The following ANKS1B variants were observed in gnomAD, a reference collection of about 807,000 sequenced individuals.
The protein encoded by ANKS1B is ankyrin repeat and sterile alpha motif domain containing 1B.
In ANKS1B, 36 loss-of-function variants were observed where a neutral mutation model predicts 148.3. The ratio of observed to expected loss-of-function variants is 0.24; its 90% confidence interval spans 0.19 to 0.32. The LOEUF is 0.32. Ranked by LOEUF, ANKS1B falls within the 10% of genes least tolerant of loss-of-function variation. The pLI, the probability that ANKS1B is intolerant of heterozygous loss-of-function variation, is 1.00. For synonymous variants in ANKS1B, 542 were observed against 560.8 expected (o/e 0.97, Z 0.47); for missense variants, 1,157 against 1,542.6 (o/e 0.75, Z 4.19).
At chr12:99,144,148 A>G (rs1044411345) in intron 15 of ANKS1B, among the ~76,000 whole-genome samples, 1 of 152,040 alleles carries the variant, frequency 6.6e-6, no homozygotes, top group African/African-American at 2.4e-5. Flanking sequence ...TTTTCTTTCT[A>G]TAAAACATTA....
chr12:99,761,236 G>GACACACACAC (rs147419547), intron 8 of ANKS1B, among the ~76,000 whole-genome samples: 2 of 149,354 alleles, frequency 1.3e-5, no homozygotes, highest in African/African-American at 4.9e-5. Context: ...ACCTGGCAAA[G>GACACACACAC]ACACACACAC....
chr12:98,902,412 A>T (rs961496082), intron 17 of ANKS1B, among the ~76,000 whole-genome samples: 1 of 152,200 alleles, frequency 6.6e-6, no homozygotes, highest in Admixed American at 6.5e-5. Context: ...GGCTGCAGTA[A>T]CCTCATCTGG....
intron 26 of ANKS1B, among the ~76,000 whole-genome samples, chr12:98,747,429 G>A (rs992507251): frequency 1.1e-4 from 16 of 152,072 alleles, no homozygotes; most frequent in African/African-American, 3.6e-4. Flanking sequence ...CTATTGAATG[G>A]CTAGTATCAA....
Position 99,145,416 on chromosome 12 carries a change from G to A in ANKS1B, c.2526+8873C>T, listed in dbSNP as rs112989036. On this transcript the variant is annotated intron_variant, in intron 15 of 26. Transcript: ENST00000683438. ...GGCTGGAGAGGTGAGCAAGTTCCAG[G>A]TCAGTAGCGGAAGGCTCCCTGGAGC... Among the ~76,000 whole-genome samples, 1,368 of 152,138 alleles carry A rather than the reference G, an allele frequency of 9.0e-3. 27 individuals are homozygous for A. The highest frequency in any genetic ancestry group is 0.031 in the African/African-American group (1,295 of 41,520).
At chr12:98,742,308 C>T (rs577687490), downstream of ANKS1B, among the ~76,000 whole-genome samples, 13 of 150,486 alleles carry the variant, frequency 8.6e-5, no homozygotes, top group Admixed American at 5.3e-4. Context: ...CAGCACTGGT[C>T]GTTAACTACT....
chr12:99,934,890 T>C (rs2094719598), intron 1 of ANKS1B, among the ~76,000 whole-genome samples: 1 of 152,094 alleles, frequency 6.6e-6, no homozygotes, highest in Admixed American at 6.6e-5. Flanking sequence ...ATAGAATCTC[T>C]ACAGAAGGAT....
intron 24 of ANKS1B, 73 bp from the exon 25 acceptor site, chr12:98,773,252 C>A (rs370270887): frequency 6.7e-7 from 1 of 1,499,486 alleles, no homozygotes; most frequent in Non-Finnish European, 8.9e-7. Context: ...GACAAGTAAC[C>A]CAGGAAGCAG....
chr12:99,938,165 G>C (rs563657626), intron 1 of ANKS1B, among the ~76,000 whole-genome samples: 40 of 152,132 alleles, frequency 2.6e-4, no homozygotes, highest in Non-Finnish European at 5.3e-4. Context: ...CATTTTGTTG[G>C]AGTCTCTGTC....
chr12:99,726,614 G>C (rs921777465), intron 8 of ANKS1B, among the ~76,000 whole-genome samples: 4 of 152,072 alleles, frequency 2.6e-5, no homozygotes, highest in Non-Finnish European at 5.9e-5. Context: ...GTGAAAAGCA[G>C]GTACTCTTCC....
chr12:99,891,373 G>A (rs1389707271), intron 1 of ANKS1B, among the ~76,000 whole-genome samples: 8 of 152,164 alleles, frequency 5.3e-5, no homozygotes, highest in South Asian at 2.1e-4. Context: ...TATAGAGGTT[G>A]TTTATATCTC....
intron 9 of ANKS1B, among the ~76,000 whole-genome samples, chr12:99,555,649 G>A (rs546915515): frequency 6.6e-6 from 1 of 152,224 alleles, no homozygotes; most frequent in African/African-American, 2.4e-5. Flanking sequence ...TAACATGAAA[G>A]GAGGTTGAAT....
intron 12 of ANKS1B, among the ~76,000 whole-genome samples, chr12:99,259,307 G>C (rs1204266597): frequency 2.0e-5 from 3 of 152,216 alleles, no homozygotes; most frequent in African/African-American, 7.2e-5. Flanking sequence ...ATGTTTAGAT[G>C]CTGAATGGTG....
rs1391560883 is a variant in ANKS1B, at chr12:98,751,550, T to C, written c.3580-28A>G. The C allele has an allele frequency of 2.5e-6, 4 of 1,609,992 alleles. No homozygotes were observed. Among genetic ancestry groups the C allele is most frequent in the Non-Finnish European group, 3.4e-6 (4 of 1,177,360 alleles). On this transcript the variant is annotated intron_variant, in intron 25 of 26. Transcript: ENST00000683438. This position sits in a 1 kb window ranked among gnomAD's most constrained non-coding sequence, Gnocchi z 4.3. ...GCAAGAAAAATGAGAAAGCATTTGCTACTGGCACACTGCAAATTAGAATGG... is the reference window on the plus strand; with the variant it reads ...GCAAGAAAAATGAGAAAGCATTTGCCACTGGCACACTGCAAATTAGAATGG...
At position 99,895,596 on chromosome 12, in the gene ANKS1B, A is replaced by G. The variant is rs1248504558; in HGVS notation, c.135-70207T>C. Among the ~76,000 whole-genome samples the G allele has an allele frequency of 2.0e-5, 3 of 151,130 alleles. 1 individual carries two copies. The highest frequency in any genetic ancestry group is 4.4e-5 in the Non-Finnish European group (3 of 67,524). ...AAACAAACTTGACTAAATCAAATAA[A>G]TAATTCAAAAAACTACCCCAGAACT... On this transcript the variant is annotated intron_variant, in intron 1 of 26. Coordinates refer to ENST00000683438, the MANE Select transcript of ANKS1B (RefSeq NM_001352186.2).
intron 25 of ANKS1B, 161 bp downstream of exon 25, chr12:98,772,881 G>C: frequency 1.4e-6 from 1 of 719,066 alleles, no homozygotes; most frequent in Non-Finnish European, 2.2e-6. Context: ...TCGGTCTGTG[G>C]TACTTTGTTA....
intron 2 of ANKS1B, among the ~76,000 whole-genome samples, chr12:99,817,815 G>A (rs969901826): frequency 6.6e-6 from 1 of 151,760 alleles, no homozygotes; most frequent in African/African-American, 2.4e-5. Flanking sequence ...CTTCTTTCGA[G>A]AAATGTCTAT....
chr12:99,222,237 G>A (rs573645980), intron 14 of ANKS1B, among the ~76,000 whole-genome samples: 2 of 152,180 alleles, frequency 1.3e-5, no homozygotes, highest in Non-Finnish European at 2.9e-5. Context: ...CTATTGGGAA[G>A]AGAAATGGGT....
intron 17 of ANKS1B, among the ~76,000 whole-genome samples, chr12:98,930,640 C>A (rs1457980649): frequency 2.6e-5 from 4 of 151,286 alleles, no homozygotes; most frequent in African/African-American, 4.9e-5. Flanking sequence ...TCTGGTGAAC[C>A]TTGAAAACAC....
chr12:99,249,999 C>T (rs541550166), intron 12 of ANKS1B, among the ~76,000 whole-genome samples: 37 of 152,260 alleles, frequency 2.4e-4, no homozygotes, highest in South Asian at 8.3e-4. Context: ...GAAAGATAGA[C>T]GCTCTACTCA....
Sources: gnomAD v4.1 joint callset for allele counts (sites outside exome capture counted in the v4.1 genomes callset) on GRCh38, gnomAD v4.1.1 for gene constraint, Gnocchi (gnomAD v3.1) non-coding constraint, MANE v1.5 for transcripts, NCBI Gene and HGNC (gene_info 2026-07-23, HGNC 2026-07-21) for gene names.